Variants in MED13L observed in about 807,000 individuals in gnomAD.
The protein encoded by MED13L is mediator complex subunit 13L.
Under a neutral mutation model 220.9 loss-of-function variants are expected in MED13L, and 7 were observed. The ratio of observed to expected loss-of-function variants is 0.03; its 90% confidence interval spans 0.02 to 0.06. The LOEUF is 0.06. Among genes scored for constraint, MED13L ranks in the 10% least tolerant of loss-of-function variants. The pLI, the probability that MED13L is intolerant of heterozygous loss-of-function variation, is 1.00. For synonymous variants in MED13L, 1,011 were observed against 1,015.2 expected (o/e 1.00, Z 0.08); for missense variants, 1,965 against 2,760.5 (o/e 0.71, Z 6.46).
In MED13L at chr12:116,102,710, C is replaced by CTTTTTTTTTTTTTTTTTTTT. The variant is rs869201518; in HGVS notation, c.396-5978_396-5959dup. On this transcript the variant is annotated intron_variant, in intron 3 of 30. Transcript: ENST00000281928. The stretch of plus-strand genomic sequence containing the variant: ...TATTTTCTTTTTCTTTTTCTTTTTT[C>CTTTTTTTTTTTTTTTTTTTT]TTTTTTTTTTTTTTTTTTTTTTTTT... Among the ~76,000 whole-genome samples the CTTTTTTTTTTTTTTTTTTTT allele has an allele frequency of 1.4e-3, 96 of 68,672 alleles. 3 individuals carry two copies. Among genetic ancestry groups the CTTTTTTTTTTTTTTTTTTTT allele is most frequent in the Middle Eastern group, 0.01 (1 of 96 alleles). 45.1% of individuals were successfully genotyped at this position (68,672 alleles called of 152,430 possible).
chr12:116,104,886 A>G (rs1002068576), intron 3 of MED13L, among the ~76,000 whole-genome samples: 13 of 152,318 alleles, frequency 8.5e-5, no homozygotes, highest in Admixed American at 5.9e-4. Context: ...GAAAAGCGAG[A>G]TTTTCCTAAG....
At chr12:116,155,022 T>C (rs1878319446) in intron 2 of MED13L, among the ~76,000 whole-genome samples, 1 of 152,098 alleles carries the variant, frequency 6.6e-6, no homozygotes, top group African/African-American at 2.4e-5. Context: ...AGATGAGGTT[T>C]CACCATGTTG....
At chr12:116,061,656 T>C (rs1482179378) in intron 4 of MED13L, among the ~76,000 whole-genome samples, 4 of 152,042 alleles carry the variant, frequency 2.6e-5, no homozygotes, top group South Asian at 4.1e-4. Context: ...TAATGTGAGT[T>C]TGGGAATAGA....
At chr12:115,964,068 C>T (rs1875964906) in intron 29 of MED13L, among the ~76,000 whole-genome samples, 1 of 152,024 alleles carries the variant, frequency 6.6e-6, no homozygotes. Context: ...GCCTGGGCAA[C>T]AGAGCAAGAC....
At chr12:116,239,655 T>G (rs1356392262) in intron 1 of MED13L, among the ~76,000 whole-genome samples, 1 of 152,246 alleles carries the variant, frequency 6.6e-6, no homozygotes, top group African/African-American at 2.4e-5. Context: ...TGAACACTGT[T>G]ATTTTCCTGA....
intron 1 of MED13L, among the ~76,000 whole-genome samples, chr12:116,270,143 T>C (rs899354226): frequency 2.6e-5 from 4 of 151,394 alleles, no homozygotes; most frequent in African/African-American, 9.7e-5. Context: ...ATACCACAGA[T>C]AATTTTTTTT....
rs1565978672 is a variant in MED13L at position 115,958,704 on chromosome 12, T to C, written c.*2562A>G. On this transcript the variant is annotated 3_prime_UTR_variant, in exon 31 of 31. Transcript: ENST00000281928. ...ATTGTTTCTTTTTATCAAAGTCTTT[T>C]AGTGTACTGTACCAGCGCTATACTG... 1 of 152,496 alleles carries C rather than the reference T, an allele frequency of 6.6e-6. No homozygotes were observed. The highest frequency in any genetic ancestry group is 1.5e-5 in the Non-Finnish European group (1 of 68,044). The allele number at this position is 152,496 out of a possible 1,614,324, so 9.4% of individuals were successfully genotyped here. A position where few individuals can be genotyped will look rare whatever the true frequency, so the allele number is the denominator to read the frequency against.
chr12:116,032,428 T>G (rs1674059116), intron 4 of MED13L, among the ~76,000 whole-genome samples: 1 of 152,060 alleles, frequency 6.6e-6, no homozygotes, highest in Admixed American at 6.5e-5. Context: ...AACAGGAAAC[T>G]CAGAAATCAA....
At chr12:115,983,709 T>C (rs1274265737) in intron 20 of MED13L, among the ~76,000 whole-genome samples, 169 bp from the exon 21 acceptor site, 2 of 152,200 alleles carry the variant, frequency 1.3e-5, no homozygotes, top group Non-Finnish European at 2.9e-5. Context: ...TCTGCAAACA[T>C]GGAGATGCAC....
chr12:116,255,283 G>A (rs553763894), intron 1 of MED13L, among the ~76,000 whole-genome samples: 1 of 152,254 alleles, frequency 6.6e-6, no homozygotes, highest in Admixed American at 6.5e-5. Flanking sequence ...CATTCAATAA[G>A]TCTTCAACAA....
intron 1 of MED13L, among the ~76,000 whole-genome samples, chr12:116,259,641 G>A (rs567271140): frequency 3.9e-4 from 60 of 152,116 alleles, no homozygotes; most frequent in Non-Finnish European, 8.5e-4. Flanking sequence ...ATTGTACCAT[G>A]AATCTTTCTA....
chr12:116,028,412 T>C (rs1880527828), intron 4 of MED13L, among the ~76,000 whole-genome samples: 1 of 152,168 alleles, frequency 6.6e-6, no homozygotes, highest in Non-Finnish European at 1.5e-5. Context: ...TTTAAGACTT[T>C]GGAGATTATT....
At chr12:116,018,439 G>A (rs1365918409) in intron 7 of MED13L, among the ~76,000 whole-genome samples, 2 of 152,120 alleles carry the variant, frequency 1.3e-5, no homozygotes, top group East Asian at 3.8e-4. Flanking sequence ...AAGTTTAGCA[G>A]CCAAGGCTTT....
chr12:116,270,902 C>T (rs919623013), intron 1 of MED13L, among the ~76,000 whole-genome samples: 23 of 151,442 alleles, frequency 1.5e-4, no homozygotes, highest in African/African-American at 5.6e-4. Context: ...ATTAGCTGGG[C>T]ATAGTGGCGC....
At position 116,237,808 on chromosome 12, in the gene MED13L, C is replaced by T. The variant is rs549576167; in HGVS notation, c.73-103G>A. The T allele has an allele frequency of 1.1e-5, 11 of 991,880 alleles. No individual in the cohort carries two copies. In the Admixed American group the frequency reaches 1.8e-4, roughly 16 times the overall value. 61.4% of individuals were successfully genotyped at this position (991,880 alleles called of 1,614,324 possible). A position where few individuals can be genotyped will look rare whatever the true frequency, so the allele number is the denominator to read the frequency against. Reference sequence around the variant, plus strand: ...GCAATTGTGCTAAAATAAATATTTACACGAAACTTCATATCATAAGATTCC... The same window carrying T: ...GCAATTGTGCTAAAATAAATATTTATACGAAACTTCATATCATAAGATTCC... On this transcript the variant is annotated intron_variant, in intron 1 of 30. Transcript: ENST00000281928.
chr12:116,139,887 T>C (rs1229622707), intron 2 of MED13L, among the ~76,000 whole-genome samples: 3 of 150,918 alleles, frequency 2.0e-5, no homozygotes, highest in African/African-American at 7.3e-5. Flanking sequence ...AGAGAATCAC[T>C]TGAACCAGGG....
chr12:116,023,289 C>A (rs1880171799), intron 4 of MED13L, among the ~76,000 whole-genome samples: 1 of 152,052 alleles, frequency 6.6e-6, no homozygotes, highest in Non-Finnish European at 1.5e-5. Flanking sequence ...GAGCAAGACC[C>A]CTGTCTCAAA....
chr12:116,026,376 T>C (rs1880394267), intron 4 of MED13L, among the ~76,000 whole-genome samples: 1 of 152,120 alleles, frequency 6.6e-6, no homozygotes, highest in Admixed American at 6.6e-5. Flanking sequence ...AAACAAAATG[T>C]CCTTTTAAAA....
At chr12:116,070,732 C>T (rs553580998) in intron 4 of MED13L, among the ~76,000 whole-genome samples, 1 of 152,290 alleles carries the variant, frequency 6.6e-6, no homozygotes, top group Admixed American at 6.5e-5. Context: ...TACACAAGTA[C>T]ATCTACATTA....
Sources: gnomAD v4.1 joint callset for allele counts (sites outside exome capture counted in the v4.1 genomes callset) on GRCh38, gnomAD v4.1.1 for gene constraint, MANE v1.5 for transcripts, NCBI Gene and HGNC (gene_info 2026-07-23, HGNC 2026-07-21) for gene names.